Variants in UBR4 observed in about 807,000 individuals in gnomAD.
UBR4 encodes the protein ubiquitin protein ligase E3 component n-recognin 4.
In UBR4, 124 loss-of-function variants were observed where a neutral mutation model predicts 575.6. The ratio of observed to expected loss-of-function variants is 0.22; its 90% CI spans 0.19 to 0.25. The LOEUF (loss-of-function observed/expected upper bound fraction) is 0.25. Among genes scored for constraint, UBR4 ranks in the 10% least tolerant of loss-of-function variants. The pLI is 1.00. For missense variants in UBR4, 4,818 were observed against 6,478.8 expected (o/e 0.74, Z 8.80); for synonymous variants, 2,455 against 2,473.7 (o/e 0.99, Z 0.22).
At chr1:19,155,827 C>T (rs990298230) in intron 42 of UBR4, among the ~76,000 whole-genome samples, 159 bp from the exon 43 acceptor site, 2 of 152,148 alleles carry the variant, frequency 1.3e-5, no homozygotes, top group Non-Finnish European at 2.9e-5. Flanking sequence ...TAAAGATGAA[C>T]AGAACACCTT....
Position 19,124,524 on chromosome 1 carries a change from T to C in UBR4, c.9588+17A>G, listed in dbSNP as rs1229686015. The C allele has an allele frequency of 6.2e-7, 1 of 1,613,646 alleles. No homozygotes were observed. Among genetic ancestry groups the C allele is most frequent in the South Asian group, 1.1e-5 (1 of 91,028 alleles). On this transcript the variant is annotated intron_variant, in intron 65 of 105. Coordinates refer to ENST00000375254, the MANE Select transcript of UBR4 (RefSeq NM_020765.3). Reference sequence around the variant, plus strand: ...GTCCTCAGCCCAACAAGCATGCAGCTTGGGACTTTCACTTACCTCGGAGAG... The same window carrying C: ...GTCCTCAGCCCAACAAGCATGCAGCCTGGGACTTTCACTTACCTCGGAGAG...
intron 100 of UBR4, 126 bp from the exon 101 acceptor site, chr1:19,086,396 C>A: frequency 7.6e-7 from 1 of 1,318,258 alleles, no homozygotes; most frequent in Middle Eastern, 2.7e-4. Flanking sequence ...GCCCAGGCTC[C>A]TGACCCTGCG....
chr1:19,143,255 G>GA (rs2084273755), intron 55 of UBR4, among the ~76,000 whole-genome samples: 8 of 102,326 alleles, frequency 7.8e-5, no homozygotes, highest in South Asian at 3.5e-4. Flanking sequence ...AGGAAGGAAG[G>GA]AAGGAAGAAA....
intron 25 of UBR4, 135 bp downstream of exon 25, chr1:19,172,729 A>G: frequency 1.2e-6 from 1 of 800,216 alleles, no homozygotes; most frequent in Admixed American, 2.6e-5. Flanking sequence ...CCTTCATACT[A>G]GAGAAGAAAG....
At chr1:19,136,890 G>A (rs1274979151) in intron 60 of UBR4, among the ~76,000 whole-genome samples, 2 of 152,092 alleles carry the variant, frequency 1.3e-5, no homozygotes, top group Non-Finnish European at 2.9e-5. Flanking sequence ...AGCGGCTTAC[G>A]TTCAAGCAGT....
intron 22 of UBR4, 105 bp downstream of exon 22, chr1:19,174,214 A>C: frequency 7.0e-7 from 1 of 1,431,882 alleles, no homozygotes; most frequent in Non-Finnish European, 9.3e-7. Context: ...TCAGTTTTGC[A>C]AATCAATATT....
At chr1:19,186,486 C>T in intron 14 of UBR4, 54 bp downstream of exon 14, 1 of 1,512,746 alleles carries the variant, frequency 6.6e-7, no homozygotes, top group South Asian at 1.1e-5. Context: ...GCTGAGAACA[C>T]TCCTGTTGCA....
intron 20 of UBR4, among the ~76,000 whole-genome samples, chr1:19,176,375 T>G (rs1377812761): frequency 6.6e-6 from 1 of 152,224 alleles, no homozygotes; most frequent in Non-Finnish European, 1.5e-5. Context: ...ATTACAGGCA[T>G]GAGCCACAGT....
Position 19,152,209 on chromosome 1 carries a change from G to T in UBR4, c.6996+104C>A. The T allele has an allele frequency of 7.1e-7, 1 of 1,413,756 alleles. No individual in the cohort carries two copies. Among genetic ancestry groups the T allele is most frequent in the Non-Finnish European group, 9.7e-7 (1 of 1,029,660 alleles). The allele number at this position is 1,413,756 out of a possible 1,614,324, so 87.6% of individuals were successfully genotyped here. A position where few individuals can be genotyped will look rare whatever the true frequency, so the allele number is the denominator to read the frequency against. On this transcript the variant is annotated intron_variant, in intron 47 of 105. Coordinates refer to ENST00000375254, the MANE Select transcript of UBR4 (RefSeq NM_020765.3). The surrounding 1 kb of genome is among the most constrained non-coding windows in gnomAD (Gnocchi z 4.4). ...AACTAGAACCGAGGGTTGTGACTGTGAGTATATACTCTATACTTGCTTTCT... is the reference window on the plus strand; with the variant it reads ...AACTAGAACCGAGGGTTGTGACTGTTAGTATATACTCTATACTTGCTTTCT...
intron 37 of UBR4, 122 bp from the exon 38 acceptor site, chr1:19,161,269 CA>C: frequency 9.6e-6 from 9 of 939,022 alleles, no homozygotes; most frequent in Non-Finnish European, 1.4e-5. Flanking sequence ...CAATGTTATC[CA>C]AAAGCCTAAA....
intron 25 of UBR4, among the ~76,000 whole-genome samples, chr1:19,171,231 T>G (rs569995037): frequency 4.6e-5 from 7 of 152,300 alleles, no homozygotes; most frequent in African/African-American, 1.7e-4. Flanking sequence ...AAAAAACTGT[T>G]TATCCAACAT....
At chr1:19,163,875 G>GA in intron 33 of UBR4, 48 bp from the exon 34 acceptor site, 1 of 1,597,258 alleles carries the variant, frequency 6.3e-7, no homozygotes, top group East Asian at 2.2e-5. Flanking sequence ...CAAAATCATC[G>GA]AAGAAACCAA....
At chr1:19,134,612 A>C (rs1215854126) in intron 60 of UBR4, among the ~76,000 whole-genome samples, 1 of 152,198 alleles carries the variant, frequency 6.6e-6, no homozygotes, top group Non-Finnish European at 1.5e-5. Context: ...AGGCAACTTG[A>C]CCTTCTGGCT....
intron 28 of UBR4, 86 bp from the exon 29 acceptor site, chr1:19,167,317 C>T (rs1027039432): frequency 6.1e-6 from 9 of 1,464,658 alleles, no homozygotes; most frequent in South Asian, 2.3e-5. Flanking sequence ...AATTACTTGC[C>T]GGGGAAGAGG....
chr1:19,129,820 A>G (rs1054837454), intron 60 of UBR4, among the ~76,000 whole-genome samples: 1 of 152,210 alleles, frequency 6.6e-6, no homozygotes, highest in African/African-American at 2.4e-5. Context: ...CACCTAATAC[A>G]CAATCTCATA....
At chr1:19,149,753 G>A (rs915585341) in intron 49 of UBR4, 2 of 1,301,970 alleles carry the variant, frequency 1.5e-6, no homozygotes, top group Non-Finnish European at 2.0e-6. Flanking sequence ...AAGAAAGAGG[G>A]CATACTAACC....
At chr1:19,204,573 T>C (rs1403295945) in intron 1 of UBR4, among the ~76,000 whole-genome samples, 2 of 151,904 alleles carry the variant, frequency 1.3e-5, no homozygotes, top group Non-Finnish European at 2.9e-5. Flanking sequence ...TTTAATTGCC[T>C]GGTTCAGTGT....
At chr1:19,103,403 A>G (rs1424365047) in intron 87 of UBR4, among the ~76,000 whole-genome samples, 1 of 152,120 alleles carries the variant, frequency 6.6e-6, no homozygotes, top group Non-Finnish European at 1.5e-5. Flanking sequence ...CGTCTCTACT[A>G]AAAATACAAA....
chr1:19,168,796 T>A (rs984676878), intron 27 of UBR4, among the ~76,000 whole-genome samples: 1 of 151,820 alleles, frequency 6.6e-6, no homozygotes, highest in Non-Finnish European at 1.5e-5. Context: ...GCTAACACAG[T>A]GAAACCCCGT....
Sources: gnomAD v4.1 joint callset for allele counts (sites outside exome capture counted in the v4.1 genomes callset) on GRCh38, gnomAD v4.1.1 for gene constraint, Gnocchi (gnomAD v3.1) non-coding constraint, MANE v1.5 for transcripts, NCBI Gene and HGNC (gene_info 2026-07-23, HGNC 2026-07-21) for gene names.